VPS13B: variants seen among roughly 807,000 people sequenced by gnomAD.
VPS13B encodes the protein vacuolar protein sorting 13 homolog B, also known as intermembrane lipid transfer protein VPS13B.
A neutral mutation model predicts 426.4 loss-of-function variants in VPS13B; 285 were observed. The observed-to-expected ratio is 0.67, with a 90% CI of 0.61 to 0.74. The LOEUF is 0.74. VPS13B is among the 30% of genes least tolerant of loss of function. The pLI is 0.00. For missense variants in VPS13B, 4,537 were observed against 4,782.6 expected (o/e 0.95, Z 1.51); for synonymous variants, 1,676 against 1,676.4 (o/e 1.00, Z 0.01).
At chr8:99,462,396 TA>T (rs1818890187) in intron 23 of VPS13B, among the ~76,000 whole-genome samples, 1 of 152,150 alleles carries the variant, frequency 6.6e-6, no homozygotes, top group African/African-American at 2.4e-5. Flanking sequence ...AATACCTTTC[TA>T]ACTTCTGGAT....
chr8:99,675,274 T>A (rs181256455), intron 35 of VPS13B, among the ~76,000 whole-genome samples: 16 of 152,322 alleles, frequency 1.1e-4, no homozygotes, highest in Admixed American at 3.3e-4. Flanking sequence ...CCCACTCTCC[T>A]CTGGCCTGTA....
chr8:99,553,708 A>G (rs1419647349), intron 30 of VPS13B, among the ~76,000 whole-genome samples: 2 of 152,020 alleles, frequency 1.3e-5, no homozygotes, highest in Non-Finnish European at 2.9e-5. Context: ...ACTTTCCCCA[A>G]CTGAGATTTG....
chr8:99,269,263 A>G (rs1197675818), intron 17 of VPS13B, among the ~76,000 whole-genome samples: 1 of 152,202 alleles, frequency 6.6e-6, no homozygotes, highest in Non-Finnish European at 1.5e-5. Flanking sequence ...AGATTATTGT[A>G]TTGACTGTGC....
chr8:99,203,759 A>G (rs1019189965), intron 17 of VPS13B, among the ~76,000 whole-genome samples: 3 of 152,178 alleles, frequency 2.0e-5, no homozygotes, highest in African/African-American at 7.2e-5. Context: ...CCCATTCACA[A>G]TTTTTACAAA....
chr8:99,547,127 G>A (rs1485435009), intron 30 of VPS13B, among the ~76,000 whole-genome samples: 2 of 152,032 alleles, frequency 1.3e-5, no homozygotes, highest in African/African-American at 4.8e-5. Flanking sequence ...AGGGATGCTA[G>A]TTTAGATAAA....
intron 17 of VPS13B, among the ~76,000 whole-genome samples, chr8:99,214,456 C>T (rs1815279027): frequency 6.6e-6 from 1 of 152,080 alleles, no homozygotes; most frequent in Admixed American, 6.5e-5. Context: ...TCAGATTTTT[C>T]ATGTAATTTT....
intron 39 of VPS13B, among the ~76,000 whole-genome samples, chr8:99,745,438 G>A (rs898615519): frequency 6.6e-6 from 1 of 151,960 alleles, no homozygotes; most frequent in African/African-American, 2.4e-5. Flanking sequence ...TTACCCATAG[G>A]TGAGTACAGT....
chr8:99,869,976 G>C (rs368362151), intron 59 of VPS13B, among the ~76,000 whole-genome samples: 1 of 152,256 alleles, frequency 6.6e-6, no homozygotes, highest in Non-Finnish European at 1.5e-5. Flanking sequence ...GCACCAGGGA[G>C]AGCATGTCAT....
chr8:99,098,985 T>C (rs1846585435), intron 4 of VPS13B, among the ~76,000 whole-genome samples: 1 of 152,146 alleles, frequency 6.6e-6, no homozygotes, highest in South Asian at 2.1e-4. Flanking sequence ...CTTTTTTCCC[T>C]CCTTTGCAAT....
At chr8:99,668,929 T>G (rs928195307) in intron 35 of VPS13B, among the ~76,000 whole-genome samples, 1 of 152,144 alleles carries the variant, frequency 6.6e-6, no homozygotes, top group African/African-American at 2.4e-5. Context: ...TGCCCTCAGC[T>G]GACATGAGCT....
At chr8:99,414,410 C>G (rs1040388299) in intron 21 of VPS13B, among the ~76,000 whole-genome samples, 1 of 151,972 alleles carries the variant, frequency 6.6e-6, no homozygotes, top group Non-Finnish European at 1.5e-5. Context: ...GGCATTTAGC[C>G]CATTTACATT....
Position 99,221,860 on chromosome 8 carries a change from C to T in VPS13B, c.2515+28803C>T, listed in dbSNP as rs190739004. Among the ~76,000 whole-genome samples, 35 of 152,306 alleles carry T rather than the reference C, an allele frequency of 2.3e-4. No homozygotes were observed. In the East Asian group the frequency reaches 4.4e-3, roughly 19 times the overall value. ...AGCAGCTGATACTACAGCTGTGCAC[C>T]GCCATGCCCAGCCAGTACCTCAGCT... On this transcript the variant is annotated intron_variant, in intron 17 of 61. Coordinates refer to ENST00000357162, the MANE Select transcript of VPS13B (RefSeq NM_152564.5).
At chr8:99,027,707 A>G (rs1442448140) in intron 2 of VPS13B, among the ~76,000 whole-genome samples, 3 of 151,808 alleles carry the variant, frequency 2.0e-5, no homozygotes, top group Non-Finnish European at 4.4e-5. Flanking sequence ...CTGCTGAGAA[A>G]TCTGCTGTTA....
rs1821782690 is a variant in VPS13B, at chr8:99,511,456, C to T, written c.4577C>T (p.Thr1526Ile). Residue 1526 changes from threonine to isoleucine, a missense_variant, in exon 29 of 62, where the codon ACA becomes ATA. Thr to Ile is a moderately conservative substitution (Grantham distance 89, BLOSUM62 -1). This residue lies in a region of VPS13B where 4,311 missense variants were observed against 4,474.3 expected (regional missense o/e 0.96). Coordinates refer to ENST00000357162, the MANE Select transcript of VPS13B (RefSeq NM_152564.5). ...SRNLPLIYVN[T>I]SVIRIFIPKT... ...AATTTACCTTTGATTTATGTCAACA[C>T]AAGTGTAATCAGAATTTTTATTCCA... 3 of 1,613,164 alleles carry T rather than the reference C, an allele frequency of 1.9e-6. No homozygotes were observed. Among genetic ancestry groups the T allele is most frequent in the Non-Finnish European group, 2.5e-6 (3 of 1,179,880 alleles).
intron 19 of VPS13B, among the ~76,000 whole-genome samples, chr8:99,351,418 AAG>A (rs141684691): frequency 0.03 from 4,422 of 146,738 alleles, 76 homozygotes; most frequent in South Asian, 0.057. Flanking sequence ...CTCCTTCCTC[AAG>A]AGAGAGAGAG....
intron 8 of VPS13B, 105 bp from the exon 9 acceptor site, chr8:99,134,527 C>T (rs1809968876): frequency 2.2e-6 from 2 of 898,240 alleles, no homozygotes; most frequent in Non-Finnish European, 1.7e-6. Flanking sequence ...TTTAAATTTC[C>T]TGAATCTTAA....
intron 33 of VPS13B, among the ~76,000 whole-genome samples, chr8:99,624,023 T>A (rs1275776432): frequency 8.2e-5 from 9 of 110,316 alleles, no homozygotes; most frequent in African/African-American, 2.8e-4. Context: ...TTTTTTTTTT[T>A]TTTTTTTTTC....
chr8:99,617,564 T>A (rs2133886493), intron 33 of VPS13B, among the ~76,000 whole-genome samples: 1 of 152,258 alleles, frequency 6.6e-6, no homozygotes, highest in South Asian at 2.1e-4. Context: ...TGACCTCGGG[T>A]GATCCACTCT....
chr8:99,521,462 A>G (rs1822376094), intron 30 of VPS13B, among the ~76,000 whole-genome samples: 1 of 152,230 alleles, frequency 6.6e-6, no homozygotes, highest in Non-Finnish European at 1.5e-5. Flanking sequence ...GCAAACTTCT[A>G]AAGAGAAATT....
Sources: gnomAD v4.1 joint callset for allele counts (sites outside exome capture counted in the v4.1 genomes callset) on GRCh38, gnomAD v4.1.1 for gene constraint, gnomAD v4.1.1 regional missense constraint, MANE v1.5 for transcripts, NCBI Gene and HGNC (gene_info 2026-07-23, HGNC 2026-07-21) for gene names.